The following MDGA2 variants were observed in gnomAD, a reference collection of about 807,000 sequenced individuals.
The protein encoded by MDGA2 is MAM domain-containing glycosylphosphatidylinositol anchor protein 2.
Under a neutral mutation model 117.8 loss-of-function variants are expected in MDGA2, and 40 were observed. The ratio of observed to expected loss-of-function variants is 0.34; its 90% CI spans 0.26 to 0.44. The LOEUF is 0.44. MDGA2 is among the 20% of genes least tolerant of loss of function. MDGA2 has a pLI of 1.00. For synonymous variants in MDGA2, 452 were observed against 439.0 expected (o/e 1.03, Z -0.37); for missense variants, 1,123 against 1,250.6 (o/e 0.90, Z 1.54).
chr14:47,103,587 AC>A (rs1355227957), intron 5 of MDGA2, among the ~76,000 whole-genome samples: 1 of 152,224 alleles, frequency 6.6e-6, no homozygotes, highest in African/African-American at 2.4e-5. Flanking sequence ...GTAGGAGTAA[AC>A]TTTTGCTACA....
At chr14:47,294,395 G>A (rs550605704) in intron 2 of MDGA2, among the ~76,000 whole-genome samples, 1 of 152,104 alleles carries the variant, frequency 6.6e-6, no homozygotes, top group South Asian at 2.1e-4. Flanking sequence ...ACTGCACCCA[G>A]CTGATGTGGA....
At position 47,065,666 on chromosome 14, in the gene MDGA2, T is replaced by C. The variant is rs575393796; in HGVS notation, c.1196-4088A>G. Among the ~76,000 whole-genome samples, 16 of 152,316 alleles carry C rather than the reference T, an allele frequency of 1.1e-4. No homozygotes were observed. In the South Asian group the frequency reaches 3.3e-3, roughly 32 times the overall value. On this transcript the variant is annotated intron_variant, in intron 6 of 16. Transcript: ENST00000399232. ...TATGCAATACATAGTAATTCAATAA[T>C]AAACTAAAATTTATTGACAGAACAA...
chr14:47,475,667 C>T (rs754454097), intron 1 of MDGA2, among the ~76,000 whole-genome samples: 4 of 152,148 alleles, frequency 2.6e-5, no homozygotes, highest in Non-Finnish European at 2.9e-5. Context: ...GAGATTATAT[C>T]CTTTCAGGGA....
At chr14:47,313,644 T>G (rs111500182) in intron 1 of MDGA2, among the ~76,000 whole-genome samples, 6,099 of 152,284 alleles carry the variant, frequency 0.04, 134 homozygotes, top group Middle Eastern at 0.054. Context: ...TCAATGTTGT[T>G]CTATCTAAAT....
At chr14:46,912,103 C>A (rs1883728309) in intron 10 of MDGA2, among the ~76,000 whole-genome samples, 1 of 152,180 alleles carries the variant, frequency 6.6e-6, no homozygotes, top group Non-Finnish European at 1.5e-5. Flanking sequence ...AATCTCCATA[C>A]AGATAGTGGT....
intron 1 of MDGA2, among the ~76,000 whole-genome samples, chr14:47,362,952 T>C (rs1024998990): frequency 6.6e-6 from 1 of 152,178 alleles, no homozygotes; most frequent in Non-Finnish European, 1.5e-5. Context: ...AATATATGCA[T>C]CCTTGATGCA....
intron 2 of MDGA2, among the ~76,000 whole-genome samples, chr14:47,221,524 TA>T (rs1886300341): frequency 2.0e-5 from 3 of 151,818 alleles, no homozygotes; most frequent in Admixed American, 2.0e-4. Context: ...CTGTCTCTAC[TA>T]AAAATACAAA....
chr14:46,866,592 G>A (rs1192885406), intron 14 of MDGA2, among the ~76,000 whole-genome samples: 1 of 151,814 alleles, frequency 6.6e-6, no homozygotes, highest in Non-Finnish European at 1.5e-5. Flanking sequence ...ACTACCACCA[G>A]AGTGAACAGG....
chr14:46,919,964 C>A, intron 10 of MDGA2, 48 bp downstream of exon 10: 1 of 1,505,902 alleles, frequency 6.6e-7, no homozygotes, highest in South Asian at 1.4e-5. Flanking sequence ...ACAACAAGGT[C>A]TTCACAGAGG....
chr14:47,639,299 T>A (rs1897380191), intron 1 of MDGA2, among the ~76,000 whole-genome samples: 1 of 152,170 alleles, frequency 6.6e-6, no homozygotes, highest in African/African-American at 2.4e-5. Flanking sequence ...AAAACTTTGA[T>A]GAAGAAACAT....
intron 5 of MDGA2, among the ~76,000 whole-genome samples, chr14:47,099,337 T>C (rs11846643): frequency 0.018 from 2,807 of 152,016 alleles, 88 homozygotes; most frequent in African/African-American, 0.063. Context: ...TTCAGATTTA[T>C]CAAGCAAGCT....
chr14:47,243,820 C>G (rs1408837544), intron 2 of MDGA2, among the ~76,000 whole-genome samples: 1 of 151,754 alleles, frequency 6.6e-6, no homozygotes, highest in African/African-American at 2.4e-5. Context: ...ACCAAACGCT[C>G]CAACAATTTT....
intron 8 of MDGA2, among the ~76,000 whole-genome samples, chr14:46,984,707 T>C (rs1263129341): frequency 1.3e-5 from 2 of 152,040 alleles, no homozygotes; most frequent in Non-Finnish European, 2.9e-5. Flanking sequence ...AAAGTACTGA[T>C]AGATGAATAG....
intron 1 of MDGA2, among the ~76,000 whole-genome samples, chr14:47,327,631 T>C (rs1396998583): frequency 6.6e-6 from 1 of 152,188 alleles, no homozygotes; most frequent in Non-Finnish European, 1.5e-5. Flanking sequence ...TGCTTCTCAT[T>C]ATGATTTATT....
chr14:47,492,973 T>C (rs1447010966), intron 1 of MDGA2, among the ~76,000 whole-genome samples: 1 of 152,116 alleles, frequency 6.6e-6, no homozygotes, highest in Non-Finnish European at 1.5e-5. Context: ...TTTATTATTT[T>C]CTCTAATGCT....
At chr14:47,648,525 G>A (rs1024957346) in intron 1 of MDGA2, among the ~76,000 whole-genome samples, 45 of 151,916 alleles carry the variant, frequency 3.0e-4, no homozygotes, top group African/African-American at 9.7e-4. Flanking sequence ...AAGAACGATC[G>A]TAATCAAAAA....
At chr14:47,029,685 T>A (rs990919323) in intron 8 of MDGA2, among the ~76,000 whole-genome samples, 2 of 152,182 alleles carry the variant, frequency 1.3e-5, no homozygotes, top group African/African-American at 4.8e-5. Context: ...GGACAGCTTA[T>A]ATTACAAATA....
intron 1 of MDGA2, among the ~76,000 whole-genome samples, chr14:47,576,223 T>C (rs893225966): frequency 6.6e-6 from 1 of 152,208 alleles, no homozygotes; most frequent in African/African-American, 2.4e-5. Context: ...TTATGAAATA[T>C]TTAAGCTGTA....
intron 1 of MDGA2, among the ~76,000 whole-genome samples, chr14:47,631,041 TA>T (rs1897243135): frequency 6.6e-6 from 1 of 152,288 alleles, no homozygotes; most frequent in Non-Finnish European, 1.5e-5. Flanking sequence ...AAAAGATAGG[TA>T]AAAAATCCTC....
Sources: allele counts gnomAD v4.1 joint callset (sites outside exome capture counted in the v4.1 genomes callset), GRCh38; gene constraint gnomAD v4.1.1; transcripts MANE v1.5; gene names NCBI Gene and HGNC (gene_info 2026-07-23, HGNC 2026-07-21).